Variants in TESC observed in about 807,000 individuals in gnomAD.
The protein encoded by TESC is calcineurin B homologous protein 3.
In TESC, 19 loss-of-function variants were observed where a neutral mutation model predicts 31.0. The ratio of observed to expected loss-of-function variants is 0.61; its 90% confidence interval spans 0.43 to 0.90. The LOEUF (loss-of-function observed/expected upper bound fraction) is 0.90, where lower values mean the gene tolerates loss of function less well. Ranked by LOEUF, TESC falls within the 40% of genes least tolerant of loss-of-function variation. The pLI, the probability that TESC is intolerant of heterozygous loss-of-function variation, is 0.00. For synonymous variants in TESC, 109 were observed against 114.8 expected (o/e 0.95, Z 0.32); for missense variants, 248 against 303.8 (o/e 0.82, Z 1.36).
At chr12:117,046,279 G>T (rs1007623022) in intron 6 of TESC, among the ~76,000 whole-genome samples, 1 of 152,218 alleles carries the variant, frequency 6.6e-6, no homozygotes, top group African/African-American at 2.4e-5. Flanking sequence ...ACTGACTGAG[G>T]CCGGGGTGGG....
At chr12:117,074,196 C>T (rs577097509) in intron 2 of TESC, among the ~76,000 whole-genome samples, 6 of 152,116 alleles carry the variant, frequency 3.9e-5, no homozygotes, top group East Asian at 1.9e-4. Flanking sequence ...CCTGCTTCTA[C>T]GAAAATAAAA....
chr12:117,057,827 G>A (rs1321992116), intron 2 of TESC, among the ~76,000 whole-genome samples: 1 of 152,116 alleles, frequency 6.6e-6, no homozygotes, highest in African/African-American at 2.4e-5. Context: ...GTGCAGTGGT[G>A]CAATCCTGGC....
chr12:117,045,826 C>A (rs1954549794), intron 6 of TESC, among the ~76,000 whole-genome samples: 3 of 152,242 alleles, frequency 2.0e-5, no homozygotes, highest in Non-Finnish European at 2.9e-5. Flanking sequence ...TCAGGGAACA[C>A]ACGACACCCA....
chr12:117,047,550 G>A (rs1209633180), intron 4 of TESC, among the ~76,000 whole-genome samples: 1 of 152,000 alleles, frequency 6.6e-6, no homozygotes, highest in Non-Finnish European at 1.5e-5. Flanking sequence ...TCAGCCTCCT[G>A]AGTAGCTGGG....
chr12:117,042,846 G>A (rs374555130), intron 6 of TESC, among the ~76,000 whole-genome samples: 4 of 152,160 alleles, frequency 2.6e-5, no homozygotes, highest in Non-Finnish European at 4.4e-5. Context: ...TGATTCCCAC[G>A]CAACCATTAA....
At chr12:117,084,547 C>A (rs1955190824) in intron 1 of TESC, among the ~76,000 whole-genome samples, 1 of 152,238 alleles carries the variant, frequency 6.6e-6, no homozygotes, top group Admixed American at 6.5e-5. Context: ...TGGCCTCCCC[C>A]ATCAGGCTGT....
At chr12:117,096,275 C>G (rs1046654461) in intron 1 of TESC, among the ~76,000 whole-genome samples, 4 of 152,192 alleles carry the variant, frequency 2.6e-5, no homozygotes, top group Non-Finnish European at 5.9e-5. Context: ...AGTCTGTCCT[C>G]TGGCCACCTT....
Position 117,046,456 on chromosome 12 carries a change from G to A in TESC, c.519+103C>T. On this transcript the variant is annotated intron_variant, in intron 6 of 7. Transcript: ENST00000335209. ...GCCCCACAGGCCACAGGTAGAGCAG[G>A]TGGCAGAATACACCTGGCCCCTGCC... The A allele has an allele frequency of 4.4e-6, 5 of 1,147,162 alleles. No homozygotes were observed. In the South Asian group the frequency reaches 7.8e-5, roughly 18 times the overall value. 71.1% of individuals were successfully genotyped at this position (1,147,162 alleles called of 1,614,324 possible).
At chr12:117,092,452 T>G (rs1180556015) in intron 1 of TESC, among the ~76,000 whole-genome samples, 1 of 152,210 alleles carries the variant, frequency 6.6e-6, no homozygotes, top group Non-Finnish European at 1.5e-5. Flanking sequence ...GGCATTCTCC[T>G]GCAAGTTTCC....
chr12:117,054,454 C>T (rs1954693149), intron 3 of TESC, among the ~76,000 whole-genome samples: 1 of 152,160 alleles, frequency 6.6e-6, no homozygotes, highest in South Asian at 2.1e-4. Context: ...CCAGCTGGGT[C>T]TGCCTCTCAG....
chr12:117,085,858 T>G (rs950797843), intron 1 of TESC, among the ~76,000 whole-genome samples: 20 of 152,164 alleles, frequency 1.3e-4, no homozygotes, highest in Non-Finnish European at 4.4e-5. Flanking sequence ...AGGTTGTTCA[T>G]GTCATGAAAA....
At chr12:117,094,843 CT>C (rs1334380690) in intron 1 of TESC, among the ~76,000 whole-genome samples, 2 of 151,724 alleles carry the variant, frequency 1.3e-5, no homozygotes, top group Non-Finnish European at 2.9e-5. Context: ...TGGTGAAACC[CT>C]GTCTCTACTA....
In TESC at chr12:117,042,130, A is replaced by G. The variant is rs184908801; in HGVS notation, c.520-136T>C. 675 of 847,934 alleles carry G rather than the reference A, an allele frequency of 8.0e-4. 2 individuals are homozygous for G. The African/African-American group carries it at 9.3e-3, about 12-fold the overall frequency. The allele number at this position is 847,934 out of a possible 1,614,324, so 52.5% of individuals were successfully genotyped here. A position where few individuals can be genotyped will look rare whatever the true frequency, so the allele number is the denominator to read the frequency against. On this transcript the variant is annotated intron_variant, in intron 6 of 7. Transcript: ENST00000335209. ...TTGAGGCTGTTTGGGAGGAATCACA[A>G]GAAGAGGAGAACGTTCTGGATCGTC...
chr12:117,041,643 G>A (rs938413607), intron 7 of TESC, among the ~76,000 whole-genome samples: 3 of 152,218 alleles, frequency 2.0e-5, no homozygotes, highest in South Asian at 2.1e-4. Context: ...TACAACGGGG[G>A]TTACTTCTGA....
At chr12:117,069,569 G>A (rs1469774183) in intron 2 of TESC, among the ~76,000 whole-genome samples, 2 of 152,036 alleles carry the variant, frequency 1.3e-5, no homozygotes, top group African/African-American at 4.8e-5. Context: ...TCAGGTACCG[G>A]GCTGTGTAAA....
intron 2 of TESC, among the ~76,000 whole-genome samples, chr12:117,060,886 G>T (rs953746217): frequency 2.1e-4 from 32 of 152,244 alleles, no homozygotes; most frequent in Admixed American, 7.9e-4. Flanking sequence ...GAAGCCGCTG[G>T]CTGCTATGCT....
In TESC at chr12:117,075,356, AAG is replaced by A. The variant is rs768377294; in HGVS notation, c.59-18_59-17del. 6 of 1,605,344 alleles carry A rather than the reference AAG, an allele frequency of 3.7e-6. No individual in the cohort carries two copies. The highest frequency in any genetic ancestry group is 5.1e-6 in the Non-Finnish European group (6 of 1,179,274). On this transcript the variant is annotated splice_polypyrimidine_tract_variant and intron_variant, in intron 1 of 7. Coordinates refer to ENST00000335209, the MANE Select transcript of TESC (RefSeq NM_017899.4). ...TCCGATGAGACTGAGAAGTGGGGGAAAGAGAGAAAAACAAGACAGAAAAAAAA... is the reference window on the plus strand; with the variant it reads ...TCCGATGAGACTGAGAAGTGGGGGAAAGAGAAAAACAAGACAGAAAAAAAA...
At chr12:117,040,962 T>C (rs1954474488) in intron 7 of TESC, among the ~76,000 whole-genome samples, 1 of 150,890 alleles carries the variant, frequency 6.6e-6, no homozygotes, top group Admixed American at 6.6e-5. Context: ...CTTCCTTGTC[T>C]TCCTCAAGTA....
chr12:117,077,027 C>T lies in TESC; in HGVS notation c.59-1687G>A, dbSNP rs182844920. On this transcript the variant is annotated intron_variant, in intron 1 of 7. Transcript: ENST00000335209. Reference sequence around the variant, plus strand: ...TCAGTCCTCCCAGCATTCCCTACCCCTAAGCACTGTTTTGCTCCTGTTACA... The same window carrying T: ...TCAGTCCTCCCAGCATTCCCTACCCTTAAGCACTGTTTTGCTCCTGTTACA... Among the ~76,000 whole-genome samples, 233 of 152,318 alleles carry T rather than the reference C, an allele frequency of 1.5e-3. 2 individuals are homozygous for T. The highest frequency in any genetic ancestry group is 2.8e-3 in the Non-Finnish European group (188 of 68,036).
Sources: gnomAD v4.1 joint callset for allele counts (sites outside exome capture counted in the v4.1 genomes callset) on GRCh38, gnomAD v4.1.1 for gene constraint, MANE v1.5 for transcripts, NCBI Gene and HGNC (gene_info 2026-07-23, HGNC 2026-07-21) for gene names.